SCHIP1: variants seen among roughly 807,000 people sequenced by gnomAD.
SCHIP1 encodes the protein schwannomin-interacting protein 1.
A neutral mutation model predicts 29.7 loss-of-function variants in SCHIP1; 8 were observed. The observed-to-expected ratio is 0.27, with a 90% confidence interval of 0.16 to 0.49. The LOEUF is 0.49. Ranked by LOEUF, SCHIP1 falls within the 20% of genes least tolerant of loss-of-function variation. The pLI is 0.99. For synonymous variants in SCHIP1, 76 were observed against 94.9 expected, an observed-to-expected ratio of 0.80 and a Z score of 1.16; for missense variants, 193 against 294.6, an observed-to-expected ratio of 0.66 and a Z score of 2.52.
chr3:159,649,775 A>C, the SCHIP1 span, among the ~76,000 whole-genome samples: 1 of 152,264 alleles, frequency 6.6e-6, no homozygotes, highest in Non-Finnish European at 1.5e-5. Flanking sequence ...CCTCAGTGAA[A>C]GTTCATCAAT....
the SCHIP1 span, among the ~76,000 whole-genome samples, chr3:159,532,156 G>C: frequency 6.6e-6 from 1 of 152,110 alleles, no homozygotes; most frequent in Non-Finnish European, 1.5e-5. Flanking sequence ...AGTGGAAATG[G>C]AAAAATTTTT....
the SCHIP1 span, among the ~76,000 whole-genome samples, chr3:159,612,267 A>G: frequency 6.6e-6 from 1 of 152,182 alleles, no homozygotes; most frequent in Admixed American, 6.5e-5. Context: ...AACGAAAAGA[A>G]TTGATCCTGG....
chr3:159,784,806 A>C, the SCHIP1 span, among the ~76,000 whole-genome samples: 1 of 152,162 alleles, frequency 6.6e-6, no homozygotes, highest in African/African-American at 2.4e-5. Context: ...GACGCGTGCC[A>C]CCATGCCCAG....
the SCHIP1 span, among the ~76,000 whole-genome samples, chr3:159,592,847 T>A: frequency 6.6e-6 from 1 of 152,118 alleles, no homozygotes; most frequent in Non-Finnish European, 1.5e-5. Flanking sequence ...ATCCTGCTCA[T>A]CTAAGTAGCA....
chr3:159,277,897 G>C, the SCHIP1 span, among the ~76,000 whole-genome samples: 1 of 151,002 alleles, frequency 6.6e-6, no homozygotes, highest in African/African-American at 2.4e-5. Context: ...CCTGGACAAC[G>C]AGCAAAACTC....
the SCHIP1 span, among the ~76,000 whole-genome samples, chr3:159,322,376 C>T: frequency 7.9e-5 from 12 of 152,190 alleles, no homozygotes; most frequent in Non-Finnish European, 1.8e-4. Flanking sequence ...AATATAGTCT[C>T]TCTGACTTCT....
At chr3:159,509,785 G>C in the SCHIP1 span, among the ~76,000 whole-genome samples, 5 of 152,218 alleles carry the variant, frequency 3.3e-5, no homozygotes, top group Non-Finnish European at 7.3e-5. Flanking sequence ...TAAGAATGTT[G>C]ACTATTGTTC....
At chr3:159,360,465 T>A in the SCHIP1 span, among the ~76,000 whole-genome samples, 1 of 152,218 alleles carries the variant, frequency 6.6e-6, no homozygotes, top group Non-Finnish European at 1.5e-5. Context: ...CTCCTGGCAA[T>A]CATTGGTCTT....
the SCHIP1 span, among the ~76,000 whole-genome samples, chr3:159,366,511 C>T: frequency 0.15 from 22,890 of 152,074 alleles, 2,171 homozygotes; most frequent in Middle Eastern, 0.29. Context: ...AAACTCCCTA[C>T]CATTCAGTTC....
the SCHIP1 span, among the ~76,000 whole-genome samples, chr3:159,639,632 A>C: frequency 6.6e-6 from 1 of 152,204 alleles, no homozygotes; most frequent in Non-Finnish European, 1.5e-5. Flanking sequence ...AGCATCTTTA[A>C]CATCGGTGTA....
the SCHIP1 span, among the ~76,000 whole-genome samples, chr3:159,596,829 A>G: frequency 6.6e-6 from 1 of 152,138 alleles, no homozygotes; most frequent in African/African-American, 2.4e-5. Context: ...GGATAGCATT[A>G]GGAGATATAC....
chr3:159,616,654 A>G, the SCHIP1 span, among the ~76,000 whole-genome samples: 1 of 152,254 alleles, frequency 6.6e-6, no homozygotes, highest in Non-Finnish European at 1.5e-5. Flanking sequence ...AGTATATCAG[A>G]AAGCCTAGGC....
the SCHIP1 span, among the ~76,000 whole-genome samples, chr3:159,527,830 T>A: frequency 6.6e-6 from 1 of 152,208 alleles, no homozygotes; most frequent in African/African-American, 2.4e-5. Context: ...CTTTCATGCA[T>A]GAAGCCTTAA....
chr3:159,841,539 A>G (rs1254600555), intron 1 of SCHIP1, among the ~76,000 whole-genome samples: 2 of 152,200 alleles, frequency 1.3e-5, no homozygotes, highest in African/African-American at 2.4e-5. Context: ...TTGAATTACT[A>G]TAATAATTAA....
the SCHIP1 span, among the ~76,000 whole-genome samples, chr3:159,500,428 A>G: frequency 6.6e-6 from 1 of 152,250 alleles, no homozygotes. Context: ...GAAAAAAGAG[A>G]CCAGGCTGGG....
At chr3:159,622,531 A>G in the SCHIP1 span, among the ~76,000 whole-genome samples, 1 of 152,322 alleles carries the variant, frequency 6.6e-6, no homozygotes, top group South Asian at 2.1e-4. Context: ...GGACCTTTGC[A>G]ATTTCATTAA....
the SCHIP1 span, among the ~76,000 whole-genome samples, chr3:159,450,211 G>A: frequency 6.6e-6 from 1 of 152,116 alleles, no homozygotes; most frequent in Non-Finnish European, 1.5e-5. Context: ...CCATGTTTTT[G>A]GTGGACAGTA....
chr3:159,348,764 T>C, the SCHIP1 span, among the ~76,000 whole-genome samples: 10 of 152,284 alleles, frequency 6.6e-5, no homozygotes, highest in Middle Eastern at 3.4e-3. Context: ...ATTTTCCAAA[T>C]TGATAACCTC....
the SCHIP1 span, among the ~76,000 whole-genome samples, chr3:159,300,113 CTTTTTTTTTTTTTTTT>C: frequency 2.2e-5 from 1 of 45,358 alleles, no homozygotes; most frequent in Admixed American, 3.1e-4. Context: ...GGGAAAGCTG[CTTTTTTTTTTTTTTTT>C]TTTTTTTTTT....
Sources: gnomAD v4.1 joint callset for allele counts (sites outside exome capture counted in the v4.1 genomes callset) on GRCh38, gnomAD v4.1.1 for gene constraint, MANE v1.5 for transcripts, NCBI Gene and HGNC (gene_info 2026-07-23, HGNC 2026-07-21) for gene names.